SPIDR: variants seen among roughly 807,000 people sequenced by gnomAD.
SPIDR encodes scaffold protein involved in DNA repair, also known as DNA repair-scaffolding protein.
In SPIDR, 93 loss-of-function variants were observed where a neutral mutation model predicts 104.6. The observed-to-expected ratio is 0.89, with a 90% CI of 0.75 to 1.06. The LOEUF is 1.06. Ranked by LOEUF, SPIDR falls within the 50% of genes least tolerant of loss-of-function variation. SPIDR has a pLI of 0.00. For missense variants in SPIDR, 1,154 were observed against 1,111.2 expected (o/e 1.04, Z -0.55); for synonymous variants, 431 against 416.9 (o/e 1.03, Z -0.41).
chr8:47,590,553 TC>T (rs1442819376), intron 8 of SPIDR, among the ~76,000 whole-genome samples: 3 of 152,200 alleles, frequency 2.0e-5, no homozygotes, highest in Non-Finnish European at 4.4e-5. Context: ...TGATTTCAGT[TC>T]TTTTAAATTT....
intron 9 of SPIDR, among the ~76,000 whole-genome samples, chr8:47,596,268 G>T (rs1196114864): frequency 6.6e-6 from 1 of 152,154 alleles, no homozygotes; most frequent in Non-Finnish European, 1.5e-5. Context: ...ATAGAGTCAT[G>T]CATCACTTAA....
chr8:47,671,645 C>T (rs1408820376), intron 10 of SPIDR, among the ~76,000 whole-genome samples: 2 of 144,650 alleles, frequency 1.4e-5, no homozygotes, highest in Non-Finnish European at 3.0e-5. Context: ...TTAAAATGTC[C>T]TTATTTTACC....
At chr8:47,578,725 A>G (rs1011144030) in intron 8 of SPIDR, among the ~76,000 whole-genome samples, 3 of 152,212 alleles carry the variant, frequency 2.0e-5, no homozygotes, top group Non-Finnish European at 4.4e-5. Context: ...GTTCACTTTC[A>G]TACATGAATA....
chr8:47,385,294 T>C (rs1460180059), intron 5 of SPIDR, among the ~76,000 whole-genome samples: 1 of 152,228 alleles, frequency 6.6e-6, no homozygotes, highest in Non-Finnish European at 1.5e-5. Context: ...TTTGTAATTT[T>C]CTGTATTCTT....
intron 5 of SPIDR, among the ~76,000 whole-genome samples, chr8:47,371,128 GTTTT>G (rs56285452): frequency 7.8e-6 from 1 of 128,608 alleles, no homozygotes; most frequent in Non-Finnish European, 1.7e-5. Context: ...ACACAAGCAG[GTTTT>G]TTTTTTTTTT....
intron 10 of SPIDR, among the ~76,000 whole-genome samples, chr8:47,647,396 C>T (rs990780198): frequency 5.3e-5 from 8 of 152,090 alleles, no homozygotes; most frequent in African/African-American, 1.7e-4. Flanking sequence ...GGGTGGATCC[C>T]CTGAGATCAG....
At chr8:47,521,286 T>C (rs2084037159) in intron 8 of SPIDR, among the ~76,000 whole-genome samples, 1 of 152,190 alleles carries the variant, frequency 6.6e-6, no homozygotes, top group Non-Finnish European at 1.5e-5. Context: ...TTTCTTCCTT[T>C]CCTTACTGCT....
At chr8:47,388,426 C>A (rs2060198186) in intron 5 of SPIDR, 1 of 154,224 alleles carries the variant, frequency 6.5e-6, no homozygotes, top group Middle Eastern at 5.2e-4. Flanking sequence ...TTCACTAGAA[C>A]AGTACTGCAA....
At chr8:47,555,954 A>G (rs1013442272) in intron 8 of SPIDR, among the ~76,000 whole-genome samples, 5 of 152,352 alleles carry the variant, frequency 3.3e-5, no homozygotes, top group African/African-American at 1.2e-4. Context: ...TGGGAACTAA[A>G]TAAAATAATA....
chr8:47,482,015 G>T (rs1263353815), intron 8 of SPIDR, among the ~76,000 whole-genome samples: 1 of 152,178 alleles, frequency 6.6e-6, no homozygotes, highest in Non-Finnish European at 1.5e-5. Flanking sequence ...GGTTCTTCAT[G>T]TCTTAGCATC....
At chr8:47,713,349 C>G (rs540921603) in intron 15 of SPIDR, 140 bp from the exon 16 acceptor site, 2 of 1,229,968 alleles carry the variant, frequency 1.6e-6, no homozygotes, top group East Asian at 2.3e-5. Flanking sequence ...TGTGCACACA[C>G]AATGAACGTG....
chr8:47,668,904 A>G (rs898728579), intron 10 of SPIDR, among the ~76,000 whole-genome samples: 3 of 152,236 alleles, frequency 2.0e-5, no homozygotes, highest in Non-Finnish European at 2.9e-5. Context: ...CAAGAGCTAT[A>G]TGGAGAAACT....
intron 5 of SPIDR, among the ~76,000 whole-genome samples, chr8:47,303,060 A>G (rs1477172793): frequency 6.6e-6 from 1 of 152,218 alleles, no homozygotes; most frequent in Non-Finnish European, 1.5e-5. Flanking sequence ...CTACAGAGGC[A>G]GGCAGGCCTC....
chr8:47,278,942 G>A (rs905348352), intron 1 of SPIDR, among the ~76,000 whole-genome samples: 3 of 151,824 alleles, frequency 2.0e-5, no homozygotes, highest in Non-Finnish European at 1.5e-5. Flanking sequence ...GGCTTGAAGT[G>A]CAGTGGTGCA....
intron 1 of SPIDR, among the ~76,000 whole-genome samples, chr8:47,267,512 T>C (rs1403892870): frequency 6.6e-6 from 1 of 152,238 alleles, no homozygotes; most frequent in South Asian, 2.1e-4. Flanking sequence ...ACATTCTTGC[T>C]AACACTTGCC....
At chr8:47,592,437 T>C in intron 8 of SPIDR, 1 of 1,445,420 alleles carries the variant, frequency 6.9e-7, no homozygotes, top group Non-Finnish European at 9.7e-7. Context: ...CTGGAAGGAA[T>C]AGTTCAAGTT....
intron 8 of SPIDR, among the ~76,000 whole-genome samples, chr8:47,480,351 G>A (rs1254430405): frequency 6.6e-6 from 1 of 152,196 alleles, no homozygotes; most frequent in African/African-American, 2.4e-5. Context: ...AAACATGTTT[G>A]TCTCTTAATG....
At position 47,260,999 on chromosome 8, in the gene SPIDR, C is replaced by G; in HGVS notation, c.33+8C>G. ...CGCGCTCGGGGCTCTAAGGTAGGCT[C>G]TGGGGCGGGAGTGGGCGCCGCGCCG... On this transcript the variant is annotated splice_region_variant and intron_variant, in intron 1 of 19. Transcript: ENST00000297423. 1 of 1,228,436 alleles carries G rather than the reference C, an allele frequency of 8.1e-7. No homozygotes were observed. Among genetic ancestry groups the G allele is most frequent in the Non-Finnish European group, 1.0e-6 (1 of 985,674 alleles). The allele number at this position is 1,228,436 out of a possible 1,614,324, so 76.1% of individuals were successfully genotyped here.
chr8:47,342,430 G>A (rs886825935), intron 5 of SPIDR, among the ~76,000 whole-genome samples: 8 of 134,050 alleles, frequency 6.0e-5, no homozygotes, highest in African/African-American at 5.8e-5. Flanking sequence ...TCCGCCTCCC[G>A]GATTCAAGTG....
Sources: allele counts gnomAD v4.1 joint callset (sites outside exome capture counted in the v4.1 genomes callset), GRCh38; gene constraint gnomAD v4.1.1; transcripts MANE v1.5; gene names NCBI Gene and HGNC (gene_info 2026-07-23, HGNC 2026-07-21).